PDE3B: variants seen among roughly 807,000 people sequenced by gnomAD.
PDE3B encodes phosphodiesterase 3B, also known as cGMP-inhibited 3',5'-cyclic phosphodiesterase 3B.
PDE3B carries 66 observed loss-of-function variants against 116.8 expected under a neutral mutation model. The observed-to-expected ratio is 0.56, with a 90% confidence interval of 0.46 to 0.69. The LOEUF (loss-of-function observed/expected upper bound fraction) is 0.69. Among genes scored for constraint, PDE3B ranks in the 30% least tolerant of loss-of-function variants. PDE3B has a pLI of 0.00. For missense variants in PDE3B, 1,384 were observed against 1,368.1 expected (o/e 1.01, Z -0.18); for synonymous variants, 595 against 533.6 (o/e 1.12, Z -1.59).
chr11:14,721,155 C>T (rs1856061552), intron 1 of PDE3B, among the ~76,000 whole-genome samples: 1 of 151,508 alleles, frequency 6.6e-6, no homozygotes, highest in Non-Finnish European at 1.5e-5. Context: ...ATTTATGCAG[C>T]CAAAAAATAC....
chr11:14,799,060 T>C (rs903843330), intron 4 of PDE3B, among the ~76,000 whole-genome samples: 3 of 152,232 alleles, frequency 2.0e-5, no homozygotes, highest in Non-Finnish European at 4.4e-5. Context: ...CTTTCTCTTA[T>C]GGGCATTTAG....
intron 2 of PDE3B, among the ~76,000 whole-genome samples, chr11:14,785,775 A>T (rs1247412684): frequency 1.3e-5 from 2 of 151,952 alleles, no homozygotes; most frequent in African/African-American, 4.8e-5. Context: ...GGTTTTTGTT[A>T]ATTATTCATC....
chr11:14,673,633 C>T (rs1854441713), intron 1 of PDE3B: 8 of 665,210 alleles, frequency 1.2e-5, no homozygotes, highest in South Asian at 1.1e-4. Flanking sequence ...TAATCTCTGG[C>T]ACTAAACAAA....
At chr11:14,891,921 CCCTGGCCAGCCCGGGCCAG>C in the PDE3B span, 2 of 1,571,830 alleles carry the variant, frequency 1.3e-6, no homozygotes. Flanking sequence ...ACCAGGAAGG[CCCTGGCCAGCCCGGGCCAG>C]CCTGGCGGCC....
chr11:14,762,647 A>T (rs1046963387), intron 1 of PDE3B, among the ~76,000 whole-genome samples: 4 of 152,210 alleles, frequency 2.6e-5, no homozygotes, highest in Non-Finnish European at 5.9e-5. Context: ...TTGAGAATAG[A>T]TTCTACCTGG....
At chr11:14,673,475 C>A in intron 1 of PDE3B, 1 of 264,956 alleles carries the variant, frequency 3.8e-6, no homozygotes, top group African/African-American at 2.3e-5. Context: ...AAAAAAACAT[C>A]AGTTGTTACA....
chr11:14,740,900 G>C (rs924541876), intron 1 of PDE3B, among the ~76,000 whole-genome samples: 3 of 152,168 alleles, frequency 2.0e-5, no homozygotes, highest in African/African-American at 7.2e-5. Context: ...TTTCCATGTA[G>C]TTGTGCGGTT....
chr11:14,790,885 T>G (rs376485376), intron 4 of PDE3B, among the ~76,000 whole-genome samples: 24 of 152,228 alleles, frequency 1.6e-4, no homozygotes, highest in African/African-American at 5.3e-4. Context: ...TTACAACCAC[T>G]ATTCCTTTTC....
chr11:14,773,220 C>T (rs1857694730), intron 2 of PDE3B: 2 of 151,906 alleles, frequency 1.3e-5, no homozygotes, highest in South Asian at 2.1e-4. Context: ...TCAAATGATT[C>T]GAGATTTTTT....
At chr11:14,653,501 C>T (rs1212960907) in intron 1 of PDE3B, among the ~76,000 whole-genome samples, 1 of 151,722 alleles carries the variant, frequency 6.6e-6, no homozygotes, top group Non-Finnish European at 1.5e-5. Context: ...GGAGGCAAAG[C>T]TTGCAGTGAG....
chr11:14,766,838 A>T (rs767344522), intron 1 of PDE3B, among the ~76,000 whole-genome samples: 1 of 151,730 alleles, frequency 6.6e-6, no homozygotes, highest in Non-Finnish European at 1.5e-5. Flanking sequence ...AAGTAGGAAA[A>T]AAAATCATGT....
At chr11:14,649,745 A>G (rs1312279921) in intron 1 of PDE3B, among the ~76,000 whole-genome samples, 1 of 152,218 alleles carries the variant, frequency 6.6e-6, no homozygotes, top group Non-Finnish European at 1.5e-5. Flanking sequence ...TCGCAAACTC[A>G]TGTACCTACA....
chr11:14,845,254 T>A (rs1270841660), intron 12 of PDE3B, among the ~76,000 whole-genome samples: 1 of 151,834 alleles, frequency 6.6e-6, no homozygotes, highest in Non-Finnish European at 1.5e-5. Context: ...TCTAGCAAAC[T>A]CCAACAGACC....
At chr11:14,747,372 C>T (rs1338901590) in intron 1 of PDE3B, among the ~76,000 whole-genome samples, 5 of 152,090 alleles carry the variant, frequency 3.3e-5, no homozygotes, top group African/African-American at 1.2e-4. Flanking sequence ...TTTGATTTGC[C>T]ACTTTTGACT....
At chr11:14,891,604 G>A in the PDE3B span, 2 of 1,063,676 alleles carry the variant, frequency 1.9e-6, no homozygotes, top group Non-Finnish European at 2.3e-6. Flanking sequence ...AGAGCTGCGA[G>A]GCCGACTCGC....
chr11:14,879,077 T>G, the PDE3B span: 3 of 1,500,928 alleles, frequency 2.0e-6, no homozygotes, highest in Admixed American at 3.4e-5. Context: ...ATCATTATCC[T>G]TTATTCTAAA....
chr11:14,653,162 G>GT (rs774318282), intron 1 of PDE3B, among the ~76,000 whole-genome samples: 2 of 151,552 alleles, frequency 1.3e-5, no homozygotes, highest in East Asian at 1.9e-4. Context: ...TGTTCTAATG[G>GT]TTTTTTTTGG....
chr11:14,673,763 CAGG>C, intron 1 of PDE3B: 1 of 779,106 alleles, frequency 1.3e-6, no homozygotes, highest in South Asian at 1.3e-5. Context: ...CAAGTAATCT[CAGG>C]AGATGTGGCA....
chr11:14,864,700 C>T (rs782385602), intron 14 of PDE3B, among the ~76,000 whole-genome samples: 8 of 152,104 alleles, frequency 5.3e-5, no homozygotes, highest in Non-Finnish European at 1.0e-4. Context: ...TGAATGACTA[C>T]TGGGTAAATA....
Sources: gnomAD v4.1 joint callset for allele counts (sites outside exome capture counted in the v4.1 genomes callset) on GRCh38, gnomAD v4.1.1 for gene constraint, MANE v1.5 for transcripts, NCBI Gene and HGNC (gene_info 2026-07-23, HGNC 2026-07-21) for gene names.